ASIC2: variants seen among roughly 807,000 people sequenced by gnomAD.
The protein encoded by ASIC2 is acid sensing ion channel subunit 2.
Under a neutral mutation model 57.3 loss-of-function variants are expected in ASIC2, and 25 were observed. The observed-to-expected ratio is 0.44, with a 90% CI of 0.32 to 0.61. ASIC2 has a LOEUF of 0.61. ASIC2 is among the 20% of genes least tolerant of loss of function. ASIC2 has a pLI of 0.06. For missense variants in ASIC2, 641 were observed against 738.1 expected (o/e 0.87, Z 1.52); for synonymous variants, 319 against 307.5 (o/e 1.04, Z -0.39).
intron 1 of ASIC2, among the ~76,000 whole-genome samples, chr17:33,465,695 G>A (rs538954974): frequency 4.7e-4 from 71 of 152,228 alleles, no homozygotes; most frequent in Non-Finnish European, 8.1e-4. Context: ...TTTGATGATA[G>A]GTAACTTATT....
intron 1 of ASIC2, among the ~76,000 whole-genome samples, chr17:33,247,692 G>A (rs1908739015): frequency 6.6e-6 from 1 of 152,234 alleles, no homozygotes; most frequent in African/African-American, 2.4e-5. Flanking sequence ...GCAGGAGTCA[G>A]TTGGCTAAGC....
chr17:34,011,083 ATG>A (rs370861956), intron 1 of ASIC2, among the ~76,000 whole-genome samples: 1 of 147,648 alleles, frequency 6.8e-6, no homozygotes, highest in Admixed American at 6.7e-5. Context: ...AGGCAGACAC[ATG>A]CACACACACA....
chr17:33,365,176 C>T (rs570350538), intron 1 of ASIC2, among the ~76,000 whole-genome samples: 96 of 152,298 alleles, frequency 6.3e-4, no homozygotes, highest in African/African-American at 2.2e-3. Flanking sequence ...GTCCACCTCA[C>T]CCCCTTTTTG....
At chr17:33,754,236 G>T (rs1910520620) in intron 1 of ASIC2, among the ~76,000 whole-genome samples, 1 of 152,026 alleles carries the variant, frequency 6.6e-6, no homozygotes, top group Non-Finnish European at 1.5e-5. Context: ...TTCAGATTCT[G>T]CTCCTAAAAC....
chr17:34,024,674 A>G (rs186028642), intron 1 of ASIC2, among the ~76,000 whole-genome samples: 1 of 152,330 alleles, frequency 6.6e-6, no homozygotes, highest in East Asian at 1.9e-4. Flanking sequence ...AGTGACCCCA[A>G]GAGACATGCT....
chr17:33,746,255 C>T (rs1910254350), intron 1 of ASIC2, among the ~76,000 whole-genome samples: 1 of 150,658 alleles, frequency 6.6e-6, no homozygotes, highest in South Asian at 2.1e-4. Context: ...TACATATACA[C>T]ATATATGTAT....
intron 1 of ASIC2, among the ~76,000 whole-genome samples, chr17:34,048,461 C>T (rs1908421642): frequency 6.6e-6 from 1 of 152,192 alleles, no homozygotes; most frequent in African/African-American, 2.4e-5. Flanking sequence ...TCAACAGCCT[C>T]TCTCTGCTCT....
In ASIC2 at chr17:33,056,899, A is replaced by G. The variant is rs371436952; in HGVS notation, c.988-28507T>C. Among the ~76,000 whole-genome samples the G allele has an allele frequency of 2.6e-5, 4 of 152,164 alleles. No homozygotes were observed. The East Asian group carries it at 7.7e-4, about 29-fold the overall frequency. ...GCATTATCTCTCAAAGCTACTGACC[A>G]TCTGTTGAGAAGCCCAGGCCACATT... On this transcript the variant is annotated intron_variant, in intron 3 of 9. Coordinates refer to ENST00000225823, the MANE Select transcript of ASIC2 (RefSeq NM_183377.2).
At chr17:33,115,967 A>G (rs1208817282) in intron 1 of ASIC2, among the ~76,000 whole-genome samples, 1 of 152,136 alleles carries the variant, frequency 6.6e-6, no homozygotes, top group Non-Finnish European at 1.5e-5. Context: ...GCTCATGCTG[A>G]CATCTTGCCC....
chr17:34,055,321 G>A (rs1267960146), intron 1 of ASIC2, among the ~76,000 whole-genome samples: 1 of 152,110 alleles, frequency 6.6e-6, no homozygotes, highest in Admixed American at 6.6e-5. Flanking sequence ...CCATCACCCA[G>A]ATTCAACAAA....
intron 1 of ASIC2, chr17:34,082,029 A>G (rs886192296): frequency 1.3e-5 from 2 of 152,158 alleles, no homozygotes; most frequent in Non-Finnish European, 2.9e-5. Context: ...CACCTCATTC[A>G]TGTCTGCTCC....
chr17:33,925,195 C>T (rs1007148767), intron 1 of ASIC2, among the ~76,000 whole-genome samples: 1 of 152,236 alleles, frequency 6.6e-6, no homozygotes, highest in Non-Finnish European at 1.5e-5. Flanking sequence ...GGTTCCTTAA[C>T]CCTTCCAATG....
chr17:33,059,909 A>C (rs779766763), intron 3 of ASIC2, among the ~76,000 whole-genome samples: 4 of 152,234 alleles, frequency 2.6e-5, no homozygotes, highest in Non-Finnish European at 4.4e-5. Flanking sequence ...TCTAATGGCC[A>C]GTGATGATGA....
chr17:33,928,219 C>T (rs900234734), intron 1 of ASIC2, among the ~76,000 whole-genome samples: 15 of 152,234 alleles, frequency 9.9e-5, no homozygotes, highest in African/African-American at 9.6e-5. Context: ...AGATGCCACC[C>T]TGCTGCCCAT....
intron 1 of ASIC2, among the ~76,000 whole-genome samples, chr17:33,478,678 T>C (rs1004458341): frequency 6.6e-6 from 1 of 152,196 alleles, no homozygotes; most frequent in Non-Finnish European, 1.5e-5. Flanking sequence ...ATGTGAGAGC[T>C]GGAAGAGTCC....
chr17:33,517,683 A>G (rs1291945358), intron 1 of ASIC2, among the ~76,000 whole-genome samples: 2 of 117,886 alleles, frequency 1.7e-5, no homozygotes, highest in Non-Finnish European at 3.3e-5. Context: ...GGAACATCAC[A>G]CACCGGGGCC....
intron 1 of ASIC2, among the ~76,000 whole-genome samples, chr17:33,269,672 T>TTCCTTCTTTCCTTCCTTCCC (rs1281999914): frequency 1.3e-5 from 1 of 74,888 alleles, no homozygotes; most frequent in African/African-American, 4.5e-5. Flanking sequence ...CCTTCCTTCC[T>TTCCTTCTTTCCTTCCTTCCC]TCCCTCCCTC....
intron 1 of ASIC2, among the ~76,000 whole-genome samples, chr17:33,610,470 C>T (rs921170572): frequency 2.0e-5 from 3 of 152,130 alleles, no homozygotes; most frequent in Admixed American, 2.0e-4. Context: ...CCCATTGCCC[C>T]GCAATTTTGC....
chr17:33,705,069 G>A (rs1908823475), intron 1 of ASIC2, among the ~76,000 whole-genome samples: 2 of 152,182 alleles, frequency 1.3e-5, no homozygotes, highest in African/African-American at 4.8e-5. Context: ...CCTGGTGTTT[G>A]TATTTGAAAT....
Sources: allele counts gnomAD v4.1 joint callset (sites outside exome capture counted in the v4.1 genomes callset), GRCh38; gene constraint gnomAD v4.1.1; transcripts MANE v1.5; gene names NCBI Gene and HGNC (gene_info 2026-07-23, HGNC 2026-07-21).